The following ZNF292 variants were observed in gnomAD, a reference collection of about 807,000 sequenced individuals.
ZNF292 encodes the protein zinc finger protein 292, also known as 16 zinc-finger domain protein.
Under a neutral mutation model 217.9 loss-of-function variants are expected in ZNF292, and 26 were observed. That is an observed-to-expected ratio of 0.12 (90% CI 0.09 to 0.17). The LOEUF (loss-of-function observed/expected upper bound fraction) is 0.17, where lower values mean the gene tolerates loss of function less well. Ranked by LOEUF, ZNF292 falls within the 10% of genes least tolerant of loss-of-function variation. The probability of loss-of-function intolerance (pLI) is 1.00; values close to 1 mark genes in which losing one functional copy is unlikely to be tolerated. For missense variants in ZNF292, 2,904 were observed against 3,175.2 expected, an observed-to-expected ratio of 0.91 and a Z score of 2.05; for synonymous variants, 1,257 against 1,124.1, an observed-to-expected ratio of 1.12 and a Z score of -2.37.
intron 1 of ZNF292, among the ~76,000 whole-genome samples, chr6:87,209,796 T>C (rs1489022315): frequency 6.6e-6 from 1 of 152,232 alleles, no homozygotes; most frequent in Non-Finnish European, 1.5e-5. Context: ...TCTCAGTTTT[T>C]GTTTTGAATA....
At chr6:87,230,607 G>A (rs1049332316) in intron 4 of ZNF292, among the ~76,000 whole-genome samples, 5 of 151,820 alleles carry the variant, frequency 3.3e-5, no homozygotes, top group African/African-American at 9.7e-5. Context: ...GGTGGCGGGC[G>A]CCTGTAGTCC....
chr6:87,236,779 C>T lies in ZNF292; in HGVS notation c.741+3252C>T, dbSNP rs187866467. Among the ~76,000 whole-genome samples the T allele has an allele frequency of 3.0e-4, 45 of 152,242 alleles. No individual in the cohort carries two copies. The East Asian group carries it at 7.1e-3, about 24-fold the overall frequency. ...GCATACACACTCCCTGGTTGCCGGT[C>T]CCTTTTCCCTCTATTATTGTGGACA... On this transcript the variant is annotated intron_variant, in intron 5 of 7. Coordinates refer to ENST00000369577, the MANE Select transcript of ZNF292 (RefSeq NM_015021.3).
At chr6:87,234,101 T>A (rs942383569) in intron 5 of ZNF292, among the ~76,000 whole-genome samples, 1 of 152,232 alleles carries the variant, frequency 6.6e-6, no homozygotes, top group African/African-American at 2.4e-5. Flanking sequence ...GTATAGTTTA[T>A]GACTACAAAA....
chr6:87,161,758 G>GA (rs1770761334), intron 1 of ZNF292, among the ~76,000 whole-genome samples: 2 of 152,282 alleles, frequency 1.3e-5, no homozygotes, highest in South Asian at 4.1e-4. Context: ...GTTTTAAATT[G>GA]AAAATGTACT....
intron 1 of ZNF292, among the ~76,000 whole-genome samples, chr6:87,186,603 G>T (rs904161175): frequency 6.6e-6 from 1 of 152,190 alleles, no homozygotes; most frequent in East Asian, 1.9e-4. Flanking sequence ...AAATGGCCAG[G>T]TGTAGTGGCT....
At chr6:87,193,948 A>G (rs944249415) in intron 1 of ZNF292, among the ~76,000 whole-genome samples, 3 of 152,208 alleles carry the variant, frequency 2.0e-5, no homozygotes, top group African/African-American at 7.2e-5. Flanking sequence ...TCTAGGAACT[A>G]AGATGAGGAG....
chr6:87,218,698 A>C lies in ZNF292; in HGVS notation c.505A>C (p.Ile169Leu), dbSNP rs746738863. 20 of 1,593,994 alleles carry C rather than the reference A, an allele frequency of 1.3e-5. No individual in the cohort carries two copies. The South Asian group carries it at 2.2e-4, about 18-fold the overall frequency. Reference sequence around the variant, plus strand: ...GTGGAAAAACCCGGTACTGTGCACTATTCTTTCCCAGGAACCATTGGATAA... The same window carrying C: ...GTGGAAAAACCCGGTACTGTGCACTCTTCTTTCCCAGGAACCATTGGATAA... ...GVWKNPVLCTILSQEPLDKDK... is the reference protein window; with the variant it reads ...GVWKNPVLCTLLSQEPLDKDK... Residue 169 changes from isoleucine to leucine, a missense_variant, in exon 4 of 8, where the codon ATT (isoleucine) becomes CTT (leucine). By Grantham distance (5) the Ile-to-Leu change is conservative. Around this residue, in one of 15 missense-constraint regions of ZNF292, gnomAD observed 313 missense variants for 451.0 expected, o/e 0.69. Coordinates refer to ENST00000369577, the MANE Select transcript of ZNF292 (RefSeq NM_015021.3).
chr6:87,178,969 T>C (rs1582386320), intron 1 of ZNF292, among the ~76,000 whole-genome samples: 2 of 152,120 alleles, frequency 1.3e-5, no homozygotes, highest in East Asian at 3.8e-4. Context: ...TATTCTATAT[T>C]AGTGGGAATT....
intron 1 of ZNF292, among the ~76,000 whole-genome samples, chr6:87,171,212 G>T (rs1038783004): frequency 1.3e-5 from 2 of 152,116 alleles, no homozygotes; most frequent in African/African-American, 4.8e-5. Flanking sequence ...AATGTGCCAG[G>T]AGATTAGTGG....
intron 4 of ZNF292, among the ~76,000 whole-genome samples, chr6:87,222,282 A>T (rs1381971910): frequency 6.6e-6 from 1 of 152,108 alleles, no homozygotes; most frequent in Non-Finnish European, 1.5e-5. Context: ...TGGGATACTT[A>T]AAAAAATCTT....
chr6:87,198,928 G>T (rs1406492752), intron 1 of ZNF292, among the ~76,000 whole-genome samples: 2 of 152,140 alleles, frequency 1.3e-5, no homozygotes, highest in African/African-American at 2.4e-5. Context: ...TGGACATTTG[G>T]CTTGTTCCTA....
intron 1 of ZNF292, among the ~76,000 whole-genome samples, chr6:87,172,085 A>G (rs2127773654): frequency 6.6e-6 from 1 of 152,330 alleles, no homozygotes; most frequent in Non-Finnish European, 1.5e-5. Flanking sequence ...TAGCACAATT[A>G]CTAATTTTCT....
chr6:87,252,289 T>C (rs941453176), intron 7 of ZNF292, among the ~76,000 whole-genome samples: 1 of 152,002 alleles, frequency 6.6e-6, no homozygotes, highest in African/African-American at 2.4e-5. Flanking sequence ...GTAGCTGGGA[T>C]TACAGGTGCC....
In ZNF292 at chr6:87,256,687, A is replaced by G; in HGVS notation, c.3058A>G (p.Asn1020Asp). 6.2e-7 allele frequency: 1 copy of G among 1,613,372 alleles called. No individual in the cohort carries two copies. The highest frequency in any genetic ancestry group is 1.3e-5 in the African/African-American group (1 of 75,056). Residue 1020 changes from asparagine to aspartate, a missense_variant, in exon 8 of 8, where the codon AAC (asparagine) becomes GAC (aspartate). By Grantham distance (23) the Asn-to-Asp change is conservative. Transcript: ENST00000369577. ...CAAAATAGGTGACCTTACCCCACAA[A>G]ACTTAGAAAGACAAGTGAACAACTT... ...TLKIGDLTPQ[N>D]LERQVNNLMT...
intron 5 of ZNF292, among the ~76,000 whole-genome samples, chr6:87,234,528 C>T (rs1316821078): frequency 6.6e-6 from 1 of 150,764 alleles, no homozygotes; most frequent in African/African-American, 2.4e-5. Context: ...CACTGCACTC[C>T]AGCCTGGGTG....
chr6:87,243,622 C>A lies in ZNF292; in HGVS notation c.878+11C>A. ...TATGTACTGCGCTTGGTGAGTTGAT[C>A]TTTTTTTTTTTAAAGAAATATTTGT... On this transcript the variant is annotated intron_variant, in intron 6 of 7. Transcript: ENST00000369577. 3.4e-6 allele frequency: 4 copies of A among 1,163,722 alleles called. No homozygotes were observed. Among genetic ancestry groups the A allele is most frequent in the Non-Finnish European group, 2.3e-6 (2 of 879,040 alleles). The allele number at this position is 1,163,722 out of a possible 1,614,324, so 72.1% of individuals were successfully genotyped here.
At chr6:87,235,521 G>T (rs1773860872) in intron 5 of ZNF292, among the ~76,000 whole-genome samples, 1 of 151,964 alleles carries the variant, frequency 6.6e-6, no homozygotes, top group African/African-American at 2.4e-5. Flanking sequence ...TGTTGGGTTA[G>T]CTTTGAAGTT....
At chr6:87,245,729 T>C in intron 7 of ZNF292, 85 bp downstream of exon 7, 2 of 873,934 alleles carry the variant, frequency 2.3e-6, no homozygotes, top group Admixed American at 3.8e-5. Flanking sequence ...TTTGGCTCCC[T>C]TTTCAGTGAT....
Position 87,261,134 on chromosome 6 carries a change from C to G in ZNF292, c.7505C>G (p.Thr2502Ser). 1 of 1,612,712 alleles carries G rather than the reference C, an allele frequency of 6.2e-7. No homozygotes were observed. Among genetic ancestry groups the G allele is most frequent in the Non-Finnish European group, 8.5e-7 (1 of 1,179,482 alleles). Residue 2502 changes from threonine to serine, a missense_variant, in exon 8 of 8, where the codon ACC (threonine) becomes AGC (serine). Transcript: ENST00000369577. ...AATGAAGATAGCACAAGTGTAGAGA[C>G]CCAAGCTAATACTTCTTCAAATGTA... ...LINEDSTSVE[T>S]QANTSSNVSN...
Sources: allele counts gnomAD v4.1 joint callset (sites outside exome capture counted in the v4.1 genomes callset), GRCh38; gene constraint gnomAD v4.1.1; regional missense constraint gnomAD v4.1.1; transcripts MANE v1.5; gene names NCBI Gene and HGNC (gene_info 2026-07-23, HGNC 2026-07-21).